CSMD3: variants seen among roughly 807,000 people sequenced by gnomAD.
The protein encoded by CSMD3 is CUB and sushi domain-containing protein 3.
CSMD3 carries 177 observed loss-of-function variants against 435.2 expected under a neutral mutation model. The observed-to-expected ratio is 0.41, with a 90% CI of 0.36 to 0.46. CSMD3 has a LOEUF of 0.46. Ranked by LOEUF, CSMD3 falls within the 20% of genes least tolerant of loss-of-function variation. The pLI, the probability that CSMD3 is intolerant of heterozygous loss-of-function variation, is 0.34. For missense variants in CSMD3, 4,265 were observed against 4,504.6 expected (o/e 0.95, Z 1.52); for synonymous variants, 1,656 against 1,520.5 (o/e 1.09, Z -2.07).
In CSMD3 at chr8:112,809,082, A is replaced by C. The variant is rs190681831; in HGVS notation, c.1860-8808T>G. Among the ~76,000 whole-genome samples, 1,122 of 152,268 alleles carry C rather than the reference A, an allele frequency of 7.4e-3. 8 individuals carry two copies. Among genetic ancestry groups the C allele is most frequent in the Non-Finnish European group, 0.011 (743 of 68,022 alleles). ...CAAGCGTGATATTTTTCCCCTTTGA[A>C]CTAATGGTTGCCAGACCTATGAAAT... On this transcript the variant is annotated intron_variant, in intron 12 of 70. Coordinates refer to ENST00000297405, the MANE Select transcript of CSMD3 (RefSeq NM_198123.2).
chr8:112,833,411 G>A (rs2079932943), intron 11 of CSMD3, among the ~76,000 whole-genome samples: 1 of 151,592 alleles, frequency 6.6e-6, no homozygotes, highest in African/African-American at 2.4e-5. Flanking sequence ...GAACTTTTTT[G>A]GTATATAGAA....
chr8:112,891,158 CT>C (rs2081776306), intron 10 of CSMD3, among the ~76,000 whole-genome samples: 6 of 151,578 alleles, frequency 4.0e-5, no homozygotes, highest in Admixed American at 4.0e-4. Flanking sequence ...ATAGCTTTTC[CT>C]TTAGTCTCAC....
Position 112,341,595 on chromosome 8 carries a change from A to G in CSMD3, c.6534T>C (p.Ile2178=). The change falls in exon 42 of 71, where the codon ATT becomes ATC. Residue 2178 remains isoleucine (I), a synonymous_variant. Coordinates refer to ENST00000297405, the MANE Select transcript of CSMD3 (RefSeq NM_198123.2). The part of the protein sequence containing the change: ...RSGSSETSTV[I]GRLSGPQIPS... ...GTATTTGAGGACCACTAAGCCGGCCAATAACAGTACTAGTTTCTGAGGATC... is the reference window on the plus strand; with the variant it reads ...GTATTTGAGGACCACTAAGCCGGCCGATAACAGTACTAGTTTCTGAGGATC... The G allele has an allele frequency of 6.2e-7, 1 of 1,613,158 alleles. No homozygotes were observed. Among genetic ancestry groups the G allele is most frequent in the Non-Finnish European group, 8.5e-7 (1 of 1,179,154 alleles).
chr8:112,428,292 TG>T (rs1354511232), intron 32 of CSMD3, among the ~76,000 whole-genome samples: 2 of 152,058 alleles, frequency 1.3e-5, no homozygotes, highest in African/African-American at 4.8e-5. Context: ...AGTATACAAA[TG>T]TAAGTACAAA....
At chr8:112,345,477 A>G (rs1296844478) in intron 41 of CSMD3, among the ~76,000 whole-genome samples, 1 of 152,152 alleles carries the variant, frequency 6.6e-6, no homozygotes, top group African/African-American at 2.4e-5. Context: ...TGTTAAGTGC[A>G]ATTAAGTCAG....
At chr8:112,873,127 G>A (rs1416542481) in intron 10 of CSMD3, among the ~76,000 whole-genome samples, 4 of 151,812 alleles carry the variant, frequency 2.6e-5, no homozygotes, top group Non-Finnish European at 4.4e-5. Flanking sequence ...CTGTTTTTTT[G>A]TTTGTTTAGA....
At chr8:113,032,985 T>C (rs942623769) in intron 5 of CSMD3, among the ~76,000 whole-genome samples, 2 of 151,606 alleles carry the variant, frequency 1.3e-5, no homozygotes, top group African/African-American at 4.8e-5. Flanking sequence ...TAATCCTTGG[T>C]GGCTTCCACG....
At chr8:112,973,621 G>C (rs1031855712) in intron 7 of CSMD3, among the ~76,000 whole-genome samples, 1 of 151,878 alleles carries the variant, frequency 6.6e-6, no homozygotes, top group African/African-American at 2.4e-5. Flanking sequence ...ATTTGGACCT[G>C]CTGGTAATCA....
chr8:112,237,443 T>C, intron 66 of CSMD3, 95 bp from the exon 67 acceptor site: 1 of 892,632 alleles, frequency 1.1e-6, no homozygotes, highest in South Asian at 1.4e-5. Flanking sequence ...AATGATGTAT[T>C]GCTAATACAC....
intron 5 of CSMD3, among the ~76,000 whole-genome samples, chr8:113,052,765 C>A (rs1037029997): frequency 1.3e-5 from 2 of 152,162 alleles, no homozygotes; most frequent in African/African-American, 4.8e-5. Context: ...ATAACAGAGA[C>A]CCCATCTCTT....
chr8:112,728,277 CAT>C (rs939468244), intron 13 of CSMD3, among the ~76,000 whole-genome samples: 1 of 151,556 alleles, frequency 6.6e-6, no homozygotes, highest in African/African-American at 2.4e-5. Flanking sequence ...ACAGAGGTAA[CAT>C]AAAGTTCCAA....
chr8:113,406,434 T>C (rs1455470390), intron 1 of CSMD3, among the ~76,000 whole-genome samples: 3 of 151,882 alleles, frequency 2.0e-5, no homozygotes, highest in African/African-American at 7.2e-5. Context: ...GCATAAACCC[T>C]TTGGTGCATG....
intron 13 of CSMD3, among the ~76,000 whole-genome samples, chr8:112,703,707 G>C (rs560750864): frequency 6.6e-6 from 1 of 152,014 alleles, no homozygotes; most frequent in Admixed American, 6.6e-5. Flanking sequence ...AGCCTTTTGG[G>C]AATCTCATTA....
At chr8:113,248,422 T>C (rs2093298594) in intron 3 of CSMD3, among the ~76,000 whole-genome samples, 1 of 138,200 alleles carries the variant, frequency 7.2e-6, no homozygotes, top group Non-Finnish European at 1.6e-5. Flanking sequence ...CTATTATATA[T>C]AATATACATT....
intron 3 of CSMD3, among the ~76,000 whole-genome samples, chr8:113,196,524 C>T (rs2092657826): frequency 6.6e-6 from 1 of 151,096 alleles, no homozygotes; most frequent in Admixed American, 6.6e-5. Flanking sequence ...AGCCCACAGT[C>T]AGAACAGCAC....
chr8:112,392,579 G>T (rs1418180103), intron 35 of CSMD3, among the ~76,000 whole-genome samples: 2 of 150,480 alleles, frequency 1.3e-5, no homozygotes, highest in Non-Finnish European at 3.0e-5. Flanking sequence ...AATTGATGAA[G>T]TGTTGATCCT....
At chr8:113,153,101 A>AAAAGAAAGAAAGAAAG (rs1554791157) in intron 4 of CSMD3, among the ~76,000 whole-genome samples, 29 of 100,040 alleles carry the variant, frequency 2.9e-4, no homozygotes, top group African/African-American at 1.2e-3. Context: ...AGAAAGAAAG[A>AAAAGAAAGAAAGAAAG]AAAGAAAGAA....
chr8:112,650,382 G>A (rs758485042), intron 18 of CSMD3, 33 bp from the exon 19 acceptor site: 3 of 1,549,174 alleles, frequency 1.9e-6, no homozygotes, highest in Non-Finnish European at 2.7e-6. Context: ...TAAAGAGTAA[G>A]CTTGGTGGGA....
intron 7 of CSMD3, among the ~76,000 whole-genome samples, chr8:112,957,331 A>C (rs962996271): frequency 2.0e-5 from 3 of 152,186 alleles, no homozygotes; most frequent in African/African-American, 7.2e-5. Context: ...ATGTTAAAAT[A>C]AATTATGGTA....
Sources: gnomAD v4.1 joint callset for allele counts (sites outside exome capture counted in the v4.1 genomes callset) on GRCh38, gnomAD v4.1.1 for gene constraint, MANE v1.5 for transcripts, NCBI Gene and HGNC (gene_info 2026-07-23, HGNC 2026-07-21) for gene names.